The following KIAA0319 variants were observed in gnomAD, a reference collection of about 807,000 sequenced individuals.
KIAA0319 encodes KIAA0319.
In KIAA0319, 83 loss-of-function variants were observed where a neutral mutation model predicts 108.4. The ratio of observed to expected loss-of-function variants is 0.77; its 90% CI spans 0.64 to 0.92. The LOEUF (loss-of-function observed/expected upper bound fraction) is 0.92, where lower values mean the gene tolerates loss of function less well. Ranked by LOEUF, KIAA0319 falls within the 40% of genes least tolerant of loss-of-function variation. KIAA0319 has a pLI of 0.00. For synonymous variants in KIAA0319, 484 were observed against 510.4 expected (o/e 0.95, Z 0.70); for missense variants, 1,195 against 1,322.4 (o/e 0.90, Z 1.49).
In KIAA0319 at chr6:24,544,108, A is replaced by G. The variant is rs1373323297; in HGVS notation, c.*3057T>C. On this transcript the variant is annotated 3_prime_UTR_variant, in exon 21 of 21. Transcript: ENST00000378214. Reference sequence around the variant, plus strand: ...AATACATAAATCAGTGAATGTGGATATGTTCCAATAAAACTTTATTTATGA... The same window carrying G: ...AATACATAAATCAGTGAATGTGGATGTGTTCCAATAAAACTTTATTTATGA... 1 of 152,260 alleles carries G rather than the reference A, an allele frequency of 6.6e-6. No homozygotes were observed. The highest frequency in any genetic ancestry group is 1.5e-5 in the Non-Finnish European group (1 of 68,044). 9.4% of individuals were successfully genotyped at this position (152,260 alleles called of 1,614,324 possible).
At position 24,599,940 on chromosome 6, in the gene KIAA0319, T is replaced by G. The variant is rs1770363350; in HGVS notation, c.55+1109A>C. 4.0e-6 allele frequency: 1 copy of G among 249,108 alleles called. No homozygotes were observed. The allele number at this position is 249,108 out of a possible 1,614,324, so 15.4% of individuals were successfully genotyped here. A position where few individuals can be genotyped will look rare whatever the true frequency, so the allele number is the denominator to read the frequency against. ...CCGACCCGCGGGAGAGTTCACTGCC[T>G]GGGGTATCCCCCTTTGCCCATGCCT... On this transcript the variant is annotated intron_variant, in intron 2 of 20. Transcript: ENST00000378214. The surrounding 1 kb of genome is among the most constrained non-coding windows in gnomAD (Gnocchi z 4.1).
chr6:24,596,865 TTCC>T (rs1320133787), intron 2 of KIAA0319, among the ~76,000 whole-genome samples: 5 of 152,000 alleles, frequency 3.3e-5, no homozygotes, highest in African/African-American at 7.3e-5. Flanking sequence ...CCACCCGTCT[TTCC>T]TCCTATCTTT....
rs1302550100 is a variant in KIAA0319, at chr6:24,544,293, T to C, written c.*2872A>G. ...ATACTCAAGGGAAATCCCTCTACCC[T>C]GAAGCATAAAGAAAACAAATTTCCC... On this transcript the variant is annotated 3_prime_UTR_variant, in exon 21 of 21. Transcript: ENST00000378214. 1 of 152,196 alleles carries C rather than the reference T, an allele frequency of 6.6e-6. No individual in the cohort carries two copies. The highest frequency in any genetic ancestry group is 2.4e-5 in the African/African-American group (1 of 41,440). 9.4% of individuals were successfully genotyped at this position (152,196 alleles called of 1,614,324 possible). A position where few individuals can be genotyped will look rare whatever the true frequency, so the allele number is the denominator to read the frequency against.
intron 4 of KIAA0319, 127 bp from the exon 5 acceptor site, chr6:24,583,829 A>T: frequency 1.5e-6 from 1 of 654,920 alleles, no homozygotes. Context: ...AGTTCTTCAT[A>T]AGATTTTAGC....
downstream of KIAA0319, among the ~76,000 whole-genome samples, chr6:24,542,477 C>T (rs929536285): frequency 6.6e-6 from 1 of 152,298 alleles, no homozygotes; most frequent in Non-Finnish European, 1.5e-5. Context: ...CATCAGTAAT[C>T]CCAGCACTTT....
chr6:24,629,523 A>AAAAAAAAAAAAAAAAAAG (rs1472154248), intron 1 of KIAA0319, among the ~76,000 whole-genome samples: 4 of 147,782 alleles, frequency 2.7e-5, no homozygotes, highest in Non-Finnish European at 4.5e-5. Flanking sequence ...TCAAAAAAAA[A>AAAAAAAAAAAAAAAAAAG]AAAAAAAAGA....
intron 1 of KIAA0319, among the ~76,000 whole-genome samples, chr6:24,603,167 T>C (rs1429649716): frequency 6.6e-6 from 1 of 152,244 alleles, no homozygotes; most frequent in Non-Finnish European, 1.5e-5. Flanking sequence ...TTACATTTCA[T>C]TGAATTTAGT....
intron 2 of KIAA0319, among the ~76,000 whole-genome samples, chr6:24,600,043 A>G (rs1252730106): frequency 6.6e-6 from 1 of 152,214 alleles, no homozygotes; most frequent in Non-Finnish European, 1.5e-5. Flanking sequence ...AAAAAAAAAA[A>G]AAGGAAGATG....
At chr6:24,579,454 T>A (rs1332451551) in intron 8 of KIAA0319, among the ~76,000 whole-genome samples, 6 of 144,234 alleles carry the variant, frequency 4.2e-5, no homozygotes, top group Admixed American at 2.8e-4. Context: ...CATATATATC[T>A]TATATATCTC....
At chr6:24,542,780 C>T (rs1423705750), downstream of KIAA0319, among the ~76,000 whole-genome samples, 2 of 152,224 alleles carry the variant, frequency 1.3e-5, no homozygotes, top group Non-Finnish European at 1.5e-5. Flanking sequence ...ACTGAGTTCC[C>T]CCCAAAACCC....
At chr6:24,556,175 C>G (rs1762260348) in intron 18 of KIAA0319, among the ~76,000 whole-genome samples, 1 of 151,222 alleles carries the variant, frequency 6.6e-6, no homozygotes, top group Non-Finnish European at 1.5e-5. Flanking sequence ...CTTCCCTCCC[C>G]TCCCCTCCTC....
intron 11 of KIAA0319, among the ~76,000 whole-genome samples, chr6:24,570,359 C>A (rs575679736): frequency 1.3e-5 from 2 of 152,106 alleles, no homozygotes; most frequent in Admixed American, 6.5e-5. Flanking sequence ...GAGAACGAGG[C>A]GGGCGGATCA....
At chr6:24,581,986 A>C (rs1766626598) in intron 6 of KIAA0319, among the ~76,000 whole-genome samples, 1 of 152,192 alleles carries the variant, frequency 6.6e-6, no homozygotes, top group South Asian at 2.1e-4. Flanking sequence ...TCTACAAAAA[A>C]TACAAAAAAA....
chr6:24,638,279 T>C (rs747151534), intron 1 of KIAA0319, among the ~76,000 whole-genome samples: 68 of 152,162 alleles, frequency 4.5e-4, no homozygotes, highest in Non-Finnish European at 1.8e-4. Context: ...AAAAGTTGTG[T>C]GATTAGAAAT....
At chr6:24,587,468 G>A (rs1285020070) in intron 4 of KIAA0319, among the ~76,000 whole-genome samples, 1 of 152,036 alleles carries the variant, frequency 6.6e-6, no homozygotes, top group Non-Finnish European at 1.5e-5. Flanking sequence ...TTTTAGTAGA[G>A]ATGGGGTTTC....
chr6:24,625,823 C>T (rs1300444641), intron 1 of KIAA0319, among the ~76,000 whole-genome samples: 2 of 152,134 alleles, frequency 1.3e-5, no homozygotes, highest in South Asian at 4.1e-4. Flanking sequence ...ATACTAACAG[C>T]ATCACAAAGA....
At chr6:24,562,572 G>T (rs182467941) in intron 16 of KIAA0319, among the ~76,000 whole-genome samples, 1 of 152,324 alleles carries the variant, frequency 6.6e-6, no homozygotes, top group Admixed American at 6.5e-5. Flanking sequence ...AGGCATGGTT[G>T]CTCACACTTA....
At chr6:24,618,401 G>A (rs1773457175) in intron 1 of KIAA0319, among the ~76,000 whole-genome samples, 1 of 152,056 alleles carries the variant, frequency 6.6e-6, no homozygotes, top group Non-Finnish European at 1.5e-5. Flanking sequence ...TTGAGCCCAG[G>A]AGTTTGAGAC....
At chr6:24,607,995 C>T (rs1771672380) in intron 1 of KIAA0319, among the ~76,000 whole-genome samples, 1 of 151,986 alleles carries the variant, frequency 6.6e-6, no homozygotes, top group South Asian at 2.1e-4. Flanking sequence ...AAAAAATAAA[C>T]AGAAGATTAA....
Sources: allele counts gnomAD v4.1 joint callset (sites outside exome capture counted in the v4.1 genomes callset), GRCh38; gene constraint gnomAD v4.1.1; non-coding constraint Gnocchi (gnomAD v3.1); transcripts MANE v1.5; gene names NCBI Gene and HGNC (gene_info 2026-07-23, HGNC 2026-07-21).